LRRC37A2: variants seen among roughly 807,000 people sequenced by gnomAD.
The protein encoded by LRRC37A2 is leucine-rich repeat-containing protein 37A2.
A neutral mutation model predicts 68.8 loss-of-function variants in LRRC37A2; 9 were observed. The ratio of observed to expected loss-of-function variants is 0.13; its 90% CI spans 0.08 to 0.23. The LOEUF (loss-of-function observed/expected upper bound fraction) is 0.23, where lower values mean the gene tolerates loss of function less well. Ranked by LOEUF, LRRC37A2 falls within the 10% of genes least tolerant of loss-of-function variation. The pLI, the probability that LRRC37A2 is intolerant of heterozygous loss-of-function variation, is 1.00. For synonymous variants in LRRC37A2, 63 were observed against 367.6 expected, an observed-to-expected ratio of 0.17 and a Z score of 9.48; for missense variants, 168 against 950.4, an observed-to-expected ratio of 0.18 and a Z score of 10.82.
the LRRC37A2 span, among the ~76,000 whole-genome samples, chr17:47,035,825 G>A: frequency 1.6e-4 from 25 of 152,222 alleles, no homozygotes; most frequent in South Asian, 4.1e-4. Context: ...CAACACTGTC[G>A]TTGTCTGTCT....
At chr17:46,741,566 A>G in the LRRC37A2 span, among the ~76,000 whole-genome samples, 2 of 152,010 alleles carry the variant, frequency 1.3e-5, no homozygotes, top group South Asian at 2.1e-4. Context: ...TTCCTTTGGT[A>G]TTCAGCTTAA....
the LRRC37A2 span, among the ~76,000 whole-genome samples, chr17:46,866,068 C>T: frequency 9.5e-3 from 1,450 of 152,146 alleles, 29 homozygotes; most frequent in African/African-American, 0.033. Context: ...GGCTGCAGGA[C>T]GTCATGGAGG....
At chr17:46,499,336 G>GGC in the LRRC37A2 span, among the ~76,000 whole-genome samples, 5 of 61,920 alleles carry the variant, frequency 8.1e-5, no homozygotes, top group East Asian at 5.7e-4. Context: ...AAAAAAAAAA[G>GGC]GTGGGGGGAC....
At chr17:46,947,117 A>G in the LRRC37A2 span, among the ~76,000 whole-genome samples, 1 of 152,116 alleles carries the variant, frequency 6.6e-6, no homozygotes, top group African/African-American at 2.4e-5. Context: ...GTGGGTGTGG[A>G]GGAAGGCCAG....
chr17:46,913,010 T>C, the LRRC37A2 span, among the ~76,000 whole-genome samples: 1 of 152,218 alleles, frequency 6.6e-6, no homozygotes, highest in East Asian at 1.9e-4. Flanking sequence ...GGCATGGTGA[T>C]GCCTGTCCTG....
the LRRC37A2 span, among the ~76,000 whole-genome samples, chr17:46,778,310 G>A: frequency 6.6e-6 from 1 of 152,326 alleles, no homozygotes; most frequent in Admixed American, 6.5e-5. Flanking sequence ...TTGTGATCTG[G>A]ATGAGGGTTC....
the LRRC37A2 span, among the ~76,000 whole-genome samples, chr17:46,925,367 C>T: frequency 1.3e-5 from 2 of 152,358 alleles, no homozygotes; most frequent in South Asian, 4.1e-4. Context: ...TATTGAGCAC[C>T]TACTATGTGC....
chr17:46,881,591 C>T, the LRRC37A2 span, among the ~76,000 whole-genome samples: 1 of 152,190 alleles, frequency 6.6e-6, no homozygotes, highest in Non-Finnish European at 1.5e-5. Flanking sequence ...CCTCCTCCTG[C>T]CCTCATCTGA....
chr17:46,861,053 G>T, the LRRC37A2 span, among the ~76,000 whole-genome samples: 1 of 152,080 alleles, frequency 6.6e-6, no homozygotes, highest in Non-Finnish European at 1.5e-5. Context: ...TGTGCGTGTT[G>T]GGGGGAAACT....
chr17:46,779,829 G>T, the LRRC37A2 span, among the ~76,000 whole-genome samples: 1 of 152,114 alleles, frequency 6.6e-6, no homozygotes, highest in Admixed American at 6.5e-5. Flanking sequence ...CGTGATCTTG[G>T]CTCACTGCAA....
the LRRC37A2 span, among the ~76,000 whole-genome samples, chr17:47,012,869 A>G: frequency 2.6e-5 from 4 of 152,362 alleles, no homozygotes; most frequent in Admixed American, 2.6e-4. Context: ...CTCTACTCCA[A>G]AGAAATGAAA....
chr17:46,890,435 C>A, the LRRC37A2 span, among the ~76,000 whole-genome samples: 1 of 152,248 alleles, frequency 6.6e-6, no homozygotes, highest in South Asian at 2.1e-4. Context: ...CCTGGACTGC[C>A]ATCAGGAGCT....
chr17:46,945,256 G>A, the LRRC37A2 span, among the ~76,000 whole-genome samples: 1 of 152,192 alleles, frequency 6.6e-6, no homozygotes, highest in Admixed American at 6.5e-5. Flanking sequence ...TCCACGCACT[G>A]TCCTCCGTGT....
At chr17:46,960,150 C>G in the LRRC37A2 span, among the ~76,000 whole-genome samples, 15 of 152,238 alleles carry the variant, frequency 9.9e-5, no homozygotes, top group Admixed American at 3.9e-4. Context: ...AAAGAGCTCT[C>G]AAAGCTCAAC....
At chr17:46,974,185 G>T in the LRRC37A2 span, among the ~76,000 whole-genome samples, 3 of 152,340 alleles carry the variant, frequency 2.0e-5, no homozygotes, top group South Asian at 4.1e-4. Flanking sequence ...GCCCTGAGAC[G>T]CATGGAACCA....
chr17:46,793,792 T>C, the LRRC37A2 span, among the ~76,000 whole-genome samples: 1 of 152,160 alleles, frequency 6.6e-6, no homozygotes, highest in Non-Finnish European at 1.5e-5. Flanking sequence ...AGCTTCTCCA[T>C]GAATCCTCTC....
chr17:46,969,452 G>C, the LRRC37A2 span, among the ~76,000 whole-genome samples: 2 of 152,160 alleles, frequency 1.3e-5, no homozygotes, highest in African/African-American at 4.8e-5. Context: ...TTTCCCCTAT[G>C]TCACAGTGAG....
chr17:46,912,347 G>A, the LRRC37A2 span, among the ~76,000 whole-genome samples: 88 of 152,328 alleles, frequency 5.8e-4, no homozygotes, highest in Non-Finnish European at 1.0e-3. Flanking sequence ...GGGTTAATCG[G>A]GAATTCTTTC....
chr17:46,534,216 T>A (rs1382877513), intron 6 of LRRC37A2, among the ~76,000 whole-genome samples: 3 of 148,736 alleles, frequency 2.0e-5, no homozygotes, highest in Admixed American at 6.6e-5. Context: ...AATTTTTTTT[T>A]ATTGATCATT....
Sources: gnomAD v4.1 joint callset for allele counts (sites outside exome capture counted in the v4.1 genomes callset) on GRCh38, gnomAD v4.1.1 for gene constraint, MANE v1.5 for transcripts, NCBI Gene and HGNC (gene_info 2026-07-23, HGNC 2026-07-21) for gene names.